Variants in MADD observed in about 807,000 individuals in gnomAD.
The protein encoded by MADD is MAP kinase activating death domain, also known as MAP kinase-activating death domain protein.
MADD carries 109 observed loss-of-function variants against 176.7 expected under a neutral mutation model. That is an observed-to-expected ratio of 0.62 (90% CI 0.53 to 0.72). MADD has a LOEUF of 0.72. MADD is among the 30% of genes least tolerant of loss of function. The probability of loss-of-function intolerance (pLI) is 0.00; values close to 1 mark genes in which losing one functional copy is unlikely to be tolerated. For synonymous variants in MADD, 771 were observed against 771.3 expected (o/e 1.00, Z 0.01); for missense variants, 1,914 against 2,045.5 (o/e 0.94, Z 1.24).
At chr11:47,285,688 C>T (rs2060103720) in intron 14 of MADD, 98 bp downstream of exon 14, 20 of 1,543,710 alleles carry the variant, frequency 1.3e-5, no homozygotes, top group Non-Finnish European at 1.6e-5. Flanking sequence ...ACATGTAGGG[C>T]TAGGTTGGCA....
exon 27 of MADD, chr11:47,315,227 G>A (rs746359338): frequency 1.2e-5 from 19 of 1,609,060 alleles, no homozygotes; most frequent in African/African-American, 2.7e-5. Context: ...CAGAATGGAC[G>A]CGATCTCTCT....
At chr11:47,287,782 A>ATTTTTTTTTT in intron 15 of MADD, among the ~76,000 whole-genome samples, 1 of 55,042 alleles carries the variant, frequency 1.8e-5, no homozygotes, top group African/African-American at 8.1e-5. Flanking sequence ...AGAAACATGT[A>ATTTTTTTTTT]TTTTTTTTTT....
In MADD at chr11:47,309,265, C is replaced by T. The variant is rs1294306061; in HGVS notation, c.3752-16C>T. On this transcript the variant is annotated splice_polypyrimidine_tract_variant and intron_variant, in intron 23 of 32. Transcript: ENST00000402192. ...AATGTTAAATAGGCCCCCTAAGAAA[C>T]CTTTATTCTATGCAGGCAAAGAGCG... 1 of 1,611,716 alleles carries T rather than the reference C, an allele frequency of 6.2e-7. No individual in the cohort carries two copies. The highest frequency in any genetic ancestry group is 2.2e-5 in the East Asian group (1 of 44,882).
intron 14 of MADD, 91 bp downstream of exon 14, chr11:47,285,681 T>C (rs2060090901): frequency 1.9e-6 from 3 of 1,566,134 alleles, no homozygotes; most frequent in South Asian, 1.2e-5. Context: ...GAACTTCACA[T>C]GTAGGGCTAG....
exon 3 of MADD, chr11:47,275,075 G>A: frequency 4.3e-6 from 7 of 1,614,252 alleles, no homozygotes; most frequent in Non-Finnish European, 5.9e-6. Flanking sequence ...TTCCGAGAGT[G>A]TTTGTATACT....
intron 1 of MADD, chr11:47,271,123 A>G (rs1962702779): frequency 6.6e-6 from 1 of 152,234 alleles, no homozygotes; most frequent in Non-Finnish European, 1.5e-5. Flanking sequence ...GCAGATAGAT[A>G]TGCATTTTGA....
intron 27 of MADD, 137 bp from the exon 31 acceptor site, chr11:47,323,534 C>A: frequency 1.3e-6 from 1 of 767,480 alleles, no homozygotes; most frequent in Non-Finnish European, 2.1e-6. Flanking sequence ...TTTGTGTCTT[C>A]ACCTAGGGAA....
intron 27 of MADD, among the ~76,000 whole-genome samples, chr11:47,317,852 C>A (rs1431754132): frequency 6.6e-6 from 1 of 151,884 alleles, no homozygotes; most frequent in Non-Finnish European, 1.5e-5. Flanking sequence ...TCACTGCAAC[C>A]TATACCTCCC....
chr11:47,278,487 G>T (rs558436462), intron 6 of MADD, among the ~76,000 whole-genome samples: 1 of 152,056 alleles, frequency 6.6e-6, no homozygotes, highest in Non-Finnish European at 1.5e-5. Context: ...AGAATTACAG[G>T]ATTTATTTTT....
chr11:47,314,975 G>A (rs1463842987), intron 26 of MADD, among the ~76,000 whole-genome samples: 1 of 151,910 alleles, frequency 6.6e-6, no homozygotes, highest in Non-Finnish European at 1.5e-5. Flanking sequence ...TAAATTTCTA[G>A]TATGTAAATA....
intron 8 of MADD, 29 bp from the exon 9 acceptor site, chr11:47,282,351 CT>C: frequency 6.3e-7 from 1 of 1,577,820 alleles, no homozygotes; most frequent in Non-Finnish European, 8.7e-7. Context: ...CCCTATGGGT[CT>C]CAGATTATCT....
At chr11:47,294,273 G>A (rs959454218) in intron 20 of MADD, among the ~76,000 whole-genome samples, 18 of 151,358 alleles carry the variant, frequency 1.2e-4, no homozygotes, top group African/African-American at 3.2e-4. Context: ...TGCTTTAACC[G>A]GTGGGCGGAG....
rs773311660 is a variant in MADD, at chr11:47,284,554, G to A, written c.2146G>A (p.Gly716Arg). 31 of 1,613,650 alleles carry A rather than the reference G, an allele frequency of 1.9e-5. No homozygotes were observed. In the East Asian group the frequency reaches 4.9e-4, roughly 26 times the overall value. The change falls in exon 12 of 33, where the codon GGA (glycine) becomes AGA (arginine). Residue 716 changes from glycine (G) to arginine (R), a missense_variant. This residue lies in a region of MADD where 1,767 missense variants were observed against 1,836.0 expected (regional missense o/e 0.96). Coordinates refer to ENST00000402192, the Ensembl canonical transcript of MADD. ...CAGCAGCCCCAGCACTGTCATCCACGGAGCCAACTCTGTAAGTGAGGAGCG... is the reference window on the plus strand; with the variant it reads ...CAGCAGCCCCAGCACTGTCATCCACAGAGCCAACTCTGTAAGTGAGGAGCG...
intron 22 of MADD, among the ~76,000 whole-genome samples, chr11:47,299,540 T>C (rs1287063675): frequency 6.7e-6 from 1 of 149,756 alleles, no homozygotes; most frequent in African/African-American, 2.4e-5. Flanking sequence ...GCAAGTTTAT[T>C]GAATTCACTT....
In MADD at chr11:47,309,601, C is replaced by T. The variant is rs142999546; in HGVS notation, c.3967C>T (p.Leu1323=). The change falls in exon 25 of 33, where the codon CTG becomes TTG. Residue 1323 remains leucine, a synonymous_variant. Coordinates refer to ENST00000402192, the Ensembl canonical transcript of MADD. ...TCTGCACAACCTCATCTCCTACATG[C>T]TGCTGATGAAGGTAATGTCAATTTT... The T allele has an allele frequency of 1.4e-4, 229 of 1,612,162 alleles. No individual in the cohort carries two copies. In the African/African-American group the frequency reaches 2.8e-3, roughly 20 times the overall value.
intron 15 of MADD, among the ~76,000 whole-genome samples, chr11:47,287,930 G>A (rs2061972405): frequency 6.6e-6 from 1 of 151,738 alleles, no homozygotes; most frequent in African/African-American, 2.4e-5. Flanking sequence ...CGGGACTATA[G>A]GAGCCTGCCA....
intron 3 of MADD, 121 bp from the exon 4 acceptor site, chr11:47,275,778 G>A (rs539115048): frequency 2.1e-6 from 2 of 962,426 alleles, no homozygotes; most frequent in African/African-American, 3.3e-5. Flanking sequence ...CAGAGACTGG[G>A]CTTTCTTAAT....
At chr11:47,281,625 A>C (rs780723833) in exon 8 of MADD, 1 of 1,613,114 alleles carries the variant, frequency 6.2e-7, no homozygotes, top group Non-Finnish European at 8.5e-7. Flanking sequence ...ATCTGGAGAA[A>C]TTTCATGAGG....
In MADD at chr11:47,324,249, TC is replaced by T. The variant is rs772730577; in HGVS notation, c.4363-11del. The T allele has an allele frequency of 6.2e-7, 1 of 1,612,864 alleles. No homozygotes were observed. The highest frequency in any genetic ancestry group is 8.5e-7 in the Non-Finnish European group (1 of 1,178,954). ...GACAGCCCTCATGATGGGACCACTC[TC>T]CCCCTGTGCCACAGTGTCGGGAGCT... On this transcript the variant is annotated splice_polypyrimidine_tract_variant and intron_variant, in intron 28 of 32. Transcript: ENST00000402192.
Sources: allele counts gnomAD v4.1 joint callset (sites outside exome capture counted in the v4.1 genomes callset), GRCh38; gene constraint gnomAD v4.1.1; regional missense constraint gnomAD v4.1.1; transcripts MANE v1.5; gene names NCBI Gene and HGNC (gene_info 2026-07-23, HGNC 2026-07-21).